EPHA5: variants seen among roughly 807,000 people sequenced by gnomAD.
The protein encoded by EPHA5 is EPH receptor A5.
EPHA5 carries 60 observed loss-of-function variants against 105.0 expected under a neutral mutation model. That is an observed-to-expected ratio of 0.57 (90% confidence interval 0.46 to 0.71). The LOEUF is 0.71. EPHA5 is among the 30% of genes least tolerant of loss of function. The probability of loss-of-function intolerance (pLI) is 0.00; values close to 1 mark genes in which losing one functional copy is unlikely to be tolerated. For synonymous variants in EPHA5, 513 were observed against 449.1 expected, an observed-to-expected ratio of 1.14 and a Z score of -1.80; for missense variants, 1,218 against 1,274.7, an observed-to-expected ratio of 0.96 and a Z score of 0.68.
intron 15 of EPHA5, among the ~76,000 whole-genome samples, chr4:65,335,272 A>G (rs1721062565): frequency 6.6e-6 from 1 of 151,930 alleles, no homozygotes; most frequent in Admixed American, 6.6e-5. Flanking sequence ...TGTTTTTCAG[A>G]AAAACAGAAA....
intron 14 of EPHA5, 24 bp from the exon 15 acceptor site, chr4:65,336,149 G>T (rs2148814322): frequency 6.4e-7 from 1 of 1,563,842 alleles, no homozygotes; most frequent in African/African-American, 1.4e-5. Flanking sequence ...AACAGAACCA[G>T]CACCCCAACA....
chr4:65,419,086 C>T (rs868116045), intron 6 of EPHA5, among the ~76,000 whole-genome samples: 5 of 151,440 alleles, frequency 3.3e-5, no homozygotes, highest in Non-Finnish European at 7.4e-5. Flanking sequence ...GGTTTCACTA[C>T]GTTGGGCAGG....
chr4:65,474,026 G>A (rs570527194), intron 5 of EPHA5, among the ~76,000 whole-genome samples: 5 of 151,206 alleles, frequency 3.3e-5, no homozygotes, highest in Non-Finnish European at 5.9e-5. Flanking sequence ...GTTGTGGGGT[G>A]GGGGGAGAGG....
At chr4:65,477,616 C>T (rs1230617694) in intron 5 of EPHA5, among the ~76,000 whole-genome samples, 1 of 151,870 alleles carries the variant, frequency 6.6e-6, no homozygotes, top group African/African-American at 2.4e-5. Context: ...GTTTCACCAT[C>T]TTTGCCAGGA....
intron 8 of EPHA5, among the ~76,000 whole-genome samples, chr4:65,401,740 A>G (rs1721846576): frequency 6.6e-6 from 1 of 152,154 alleles, no homozygotes; most frequent in Admixed American, 6.6e-5. Flanking sequence ...TTCATTAGAC[A>G]AAATGTTCAA....
At position 65,414,270 on chromosome 4, in the gene EPHA5, T is replaced by C; in HGVS notation, c.1687+14A>G. On this transcript the variant is annotated intron_variant, in intron 7 of 16. Coordinates refer to ENST00000613740, the MANE Select transcript of EPHA5 (RefSeq NM_001281766.3). ...TTACTGAGACATGAGCTGACAGTAA[T>C]TAAAATGACTTACACACTGGGGTGG... The C allele has an allele frequency of 6.2e-7, 1 of 1,612,874 alleles. No homozygotes were observed. Among genetic ancestry groups the C allele is most frequent in the Non-Finnish European group, 8.5e-7 (1 of 1,179,044 alleles).
At chr4:65,355,934 T>C (rs945598227) in intron 11 of EPHA5, among the ~76,000 whole-genome samples, 1 of 151,556 alleles carries the variant, frequency 6.6e-6, no homozygotes, top group Non-Finnish European at 1.5e-5. Flanking sequence ...AAATCCTCCA[T>C]GTGTGGCTCT....
chr4:65,420,667 T>TA (rs886550455), intron 5 of EPHA5, 102 bp from the exon 6 acceptor site: 174 of 1,100,928 alleles, frequency 1.6e-4, no homozygotes, highest in Non-Finnish European at 1.8e-4. Context: ...CGTAGCAATA[T>TA]AAAAAAAATC....
chr4:65,644,934 TATA>T lies in EPHA5; in HGVS notation c.182-1510_182-1508del, dbSNP rs1285513809. Among the ~76,000 whole-genome samples, 3 of 151,996 alleles carry T rather than the reference TATA, an allele frequency of 2.0e-5. No individual in the cohort carries two copies. The South Asian group carries it at 6.2e-4, about 31-fold the overall frequency. ...TCATTAACTATACAAATGCATGCAATATAATGTTTGTATCATTTTTAACCTACT... is the reference window on the plus strand; with the variant it reads ...TCATTAACTATACAAATGCATGCAATATGTTTGTATCATTTTTAACCTACT... On this transcript the variant is annotated intron_variant, in intron 1 of 16. Transcript: ENST00000613740.
intron 3 of EPHA5, among the ~76,000 whole-genome samples, chr4:65,501,048 T>C (rs1369399263): frequency 6.6e-6 from 1 of 151,416 alleles, no homozygotes; most frequent in East Asian, 1.9e-4. Flanking sequence ...AAGTGAATTA[T>C]ATTTATTTAA....
At chr4:65,458,559 T>C (rs1351141840) in intron 5 of EPHA5, among the ~76,000 whole-genome samples, 2 of 152,152 alleles carry the variant, frequency 1.3e-5, no homozygotes, top group Non-Finnish European at 1.5e-5. Flanking sequence ...CTGTTTCTTC[T>C]TAATGTTCAC....
At chr4:65,511,373 A>T (rs1242152011) in intron 3 of EPHA5, among the ~76,000 whole-genome samples, 1 of 152,194 alleles carries the variant, frequency 6.6e-6, no homozygotes, top group Non-Finnish European at 1.5e-5. Context: ...TGTAGTGTTT[A>T]AAAAATAAAT....
chr4:65,335,999 C>A lies in EPHA5; in HGVS notation c.2722G>T (p.Val908Phe), dbSNP rs2148813073. The A allele has an allele frequency of 6.2e-7, 1 of 1,613,314 alleles. No individual in the cohort carries two copies. The highest frequency in any genetic ancestry group is 8.5e-7 in the Non-Finnish European group (1 of 1,179,548). Residue 908 changes from valine (V) to phenylalanine (F), a missense_variant, in exon 15 of 17, where the codon GTC becomes TTC. This residue lies in a region of EPHA5 where 971 missense variants were observed against 1,013.5 expected (regional missense o/e 0.96). Transcript: ENST00000613740. ...CGTATCAGCTTGTCCAACATGTTGA[C>A]TATTTCATCAAACTTGGGCCTGCTA... Reference protein sequence around the residue: ...RNSRPKFDEIVNMLDKLIRNP... With the variant: ...RNSRPKFDEIFNMLDKLIRNP...
chr4:65,366,098 T>A (rs748619485), intron 9 of EPHA5, 41 bp from the exon 10 acceptor site: 1 of 1,544,948 alleles, frequency 6.5e-7, no homozygotes, highest in Non-Finnish European at 8.8e-7. Flanking sequence ...GTAGTTGTGA[T>A]GGATGAGCAA....
chr4:65,510,925 G>A (rs1416910197), intron 3 of EPHA5, among the ~76,000 whole-genome samples: 1 of 152,122 alleles, frequency 6.6e-6, no homozygotes, highest in Non-Finnish European at 1.5e-5. Flanking sequence ...ATCACATTAG[G>A]TCATGAGAGT....
intron 8 of EPHA5, among the ~76,000 whole-genome samples, chr4:65,378,924 A>G (rs80019022): frequency 0.019 from 2,816 of 152,006 alleles, 33 homozygotes; most frequent in Non-Finnish European, 0.029. Flanking sequence ...AAGCCTGCAG[A>G]TATGGGTTCA....
intron 14 of EPHA5, among the ~76,000 whole-genome samples, chr4:65,345,796 A>G (rs1817058): frequency 1 from 151,934 of 152,014 alleles, 75,928 homozygotes; most frequent in Middle Eastern, 1. Flanking sequence ...TTCTTGAGAC[A>G]GAGTCTCGCT....
intron 7 of EPHA5, among the ~76,000 whole-genome samples, chr4:65,409,817 G>A (rs913161988): frequency 1.3e-5 from 2 of 152,220 alleles, no homozygotes; most frequent in East Asian, 1.9e-4. Context: ...GATGTTGAAC[G>A]TAATTAGCTA....
chr4:65,326,504 A>T (rs964816367), intron 16 of EPHA5, among the ~76,000 whole-genome samples: 2 of 151,450 alleles, frequency 1.3e-5, no homozygotes, highest in African/African-American at 2.4e-5. Flanking sequence ...ACCAAATCTG[A>T]CCATAGTAGT....
Sources: gnomAD v4.1 joint callset for allele counts (sites outside exome capture counted in the v4.1 genomes callset) on GRCh38, gnomAD v4.1.1 for gene constraint, gnomAD v4.1.1 regional missense constraint, MANE v1.5 for transcripts, NCBI Gene and HGNC (gene_info 2026-07-23, HGNC 2026-07-21) for gene names.